STK17A: variants seen among roughly 807,000 people sequenced by gnomAD.
STK17A encodes the protein serine/threonine kinase 17a, also known as serine/threonine-protein kinase 17A.
A neutral mutation model predicts 43.7 loss-of-function variants in STK17A; 26 were observed. The ratio of observed to expected loss-of-function variants is 0.60; its 90% CI spans 0.44 to 0.83. The LOEUF (loss-of-function observed/expected upper bound fraction) is 0.83. STK17A is among the 40% of genes least tolerant of loss of function. STK17A has a pLI of 0.00. For synonymous variants in STK17A, 191 were observed against 182.5 expected (o/e 1.05, Z -0.38); for missense variants, 476 against 511.6 (o/e 0.93, Z 0.67).
chr7:43,592,355 G>A (rs892088924), intron 1 of STK17A, among the ~76,000 whole-genome samples: 1 of 151,434 alleles, frequency 6.6e-6, no homozygotes, highest in African/African-American at 2.4e-5. Context: ...TCTGAATAAG[G>A]GTGCTGCTAG....
intron 1 of STK17A, among the ~76,000 whole-genome samples, chr7:43,587,591 G>GTA (rs1166749269): frequency 6.6e-6 from 1 of 151,450 alleles, no homozygotes; most frequent in Non-Finnish European, 1.5e-5. Context: ...ATTGATGGCT[G>GTA]TAGGTAATAG....
rs1442116720 is a variant in STK17A at position 43,583,403 on chromosome 7, C to T, written c.160C>T (p.Pro54Ser). 27 of 1,439,202 alleles carry T rather than the reference C, an allele frequency of 1.9e-5. No individual in the cohort carries two copies. The highest frequency in any genetic ancestry group is 7.3e-6 in the Non-Finnish European group (8 of 1,094,852). 89.2% of individuals were successfully genotyped at this position (1,439,202 alleles called of 1,614,324 possible). Residue 54 changes from proline to serine, a missense_variant, in exon 1 of 7, where the codon CCC becomes TCC. By Grantham distance (74) the Pro-to-Ser change is moderately conservative. This residue lies in a region of STK17A where 320 missense variants were observed against 326.3 expected (regional missense o/e 0.98). Transcript: ENST00000319357. Reference protein sequence around the residue: ...TEIRAVVRTEPFQDGYSLCPG... With the variant: ...TEIRAVVRTESFQDGYSLCPG... ...GATACGCGCCGTGGTGCGCACCGAG[C>T]CCTTCCAGGACGGCTACAGCCTGTG...
intron 2 of STK17A, among the ~76,000 whole-genome samples, chr7:43,606,701 A>G (rs1393466980): frequency 2.0e-5 from 3 of 152,076 alleles, no homozygotes; most frequent in Non-Finnish European, 4.4e-5. Context: ...TTCTGTTACT[A>G]TACTTGAGAG....
In STK17A at chr7:43,583,261, G is replaced by A; in HGVS notation, c.18G>A (p.Lys6=). 1 of 1,547,988 alleles carries A rather than the reference G, an allele frequency of 6.5e-7. No homozygotes were observed. The highest frequency in any genetic ancestry group is 8.7e-7 in the Non-Finnish European group (1 of 1,149,586). ...TGAACACCATGATCCCTTTGGAGAA[G>A]CCAGGCAGCGGCGGCTCCTCCCCAG... MIPLE[K]PGSGGSSPGA... is the part of the protein sequence containing the mutation. Residue 6 remains lysine (K), a synonymous_variant, in exon 1 of 7, where the codon AAG becomes AAA. Transcript: ENST00000319357.
At position 43,623,888 on chromosome 7, in the gene STK17A, A is replaced by G; in HGVS notation, c.920A>G (p.Glu307Gly). Reference protein sequence around the residue: ...FIRTLLVKKPEDRATAEECLK... With the variant: ...FIRTLLVKKPGDRATAEECLK... ...AGGACACTTTTAGTTAAGAAACCTG[A>G]GTAAGTATTATTTTTATTAGTTTAA... Residue 307 changes from glutamate to glycine, a missense_variant and splice_region_variant, in exon 6 of 7, where the codon GAA becomes GGA. By Grantham distance (98) the Glu-to-Gly change is moderately conservative. This residue lies in a region of STK17A where 46 missense variants were observed against 81.6 expected (regional missense o/e 0.56). Transcript: ENST00000319357. The G allele has an allele frequency of 6.6e-7, 1 of 1,511,160 alleles. No homozygotes were observed. The highest frequency in any genetic ancestry group is 8.8e-7 in the Non-Finnish European group (1 of 1,137,244). 93.6% of individuals were successfully genotyped at this position (1,511,160 alleles called of 1,614,324 possible).
intron 4 of STK17A, among the ~76,000 whole-genome samples, chr7:43,620,720 T>C (rs1002942699): frequency 6.6e-6 from 1 of 151,234 alleles, no homozygotes; most frequent in Non-Finnish European, 1.5e-5. Context: ...AGTGGTGAAA[T>C]AGCTCTTTGT....
chr7:43,599,013 C>T (rs1040078189), intron 2 of STK17A, among the ~76,000 whole-genome samples: 5 of 152,184 alleles, frequency 3.3e-5, no homozygotes, highest in Non-Finnish European at 5.9e-5. Flanking sequence ...GATCCACCTG[C>T]CTTGGCCTCC....
rs1045447367 is a variant in STK17A at position 43,619,739 on chromosome 7, A to G, written c.691+16A>G. 4 of 1,612,522 alleles carry G rather than the reference A, an allele frequency of 2.5e-6. No homozygotes were observed. In the African/African-American group the frequency reaches 5.3e-5, roughly 22 times the overall value. On this transcript the variant is annotated intron_variant, in intron 4 of 6. Transcript: ENST00000319357. The stretch of plus-strand genomic sequence containing the variant: ...GAATATGTGGGTAAGTATTCATAAA[A>G]GTAGTTTTGTTCTGGGGTCAGGCAT...
chr7:43,620,198 A>T (rs1306600182), intron 4 of STK17A, among the ~76,000 whole-genome samples: 1 of 152,236 alleles, frequency 6.6e-6, no homozygotes, highest in African/African-American at 2.4e-5. Flanking sequence ...TGAAGGTAGC[A>T]GCAAGAAAGC....
At chr7:43,592,463 ATTATATTTGC>A (rs879698102) in intron 1 of STK17A, among the ~76,000 whole-genome samples, 2,892 of 149,730 alleles carry the variant, frequency 0.019, 58 homozygotes, top group Non-Finnish European at 0.032. Context: ...GGACATGAAA[ATTATATTTGC>A]AGTTAACAAT....
Position 43,611,005 on chromosome 7 carries a change from T to C in STK17A, c.564+2605T>C, listed in dbSNP as rs569545090. Among the ~76,000 whole-genome samples the C allele has an allele frequency of 1.1e-4, 16 of 152,202 alleles. No homozygotes were observed. In the East Asian group the frequency reaches 2.7e-3, roughly 26 times the overall value. On this transcript the variant is annotated intron_variant, in intron 3 of 6. Coordinates refer to ENST00000319357, the MANE Select transcript of STK17A (RefSeq NM_004760.3). ...GGTGGCAGGCACCTGTAATCCCAGC[T>C]ACTTGGGAGGCTGAGGCAGGAGAAT...
chr7:43,614,865 G>T (rs907486681), intron 3 of STK17A, among the ~76,000 whole-genome samples: 1 of 152,116 alleles, frequency 6.6e-6, no homozygotes, highest in African/African-American at 2.4e-5. Context: ...ATTAGTTTTT[G>T]CATAGTAACT....
At chr7:43,583,617 C>T (rs2082417641) in intron 1 of STK17A, among the ~76,000 whole-genome samples, 168 bp downstream of exon 1, 1 of 152,320 alleles carries the variant, frequency 6.6e-6, no homozygotes, top group Admixed American at 6.5e-5. Context: ...AGTAGGGCAG[C>T]CGAGTCGCAC....
In STK17A at chr7:43,608,563, C is replaced by T. The variant is rs566127762; in HGVS notation, c.564+163C>T. The T allele has an allele frequency of 1.3e-4, 99 of 734,022 alleles. 1 individual carries two copies. In the South Asian group the frequency reaches 2.0e-3, roughly 15 times the overall value. 45.5% of individuals were successfully genotyped at this position (734,022 alleles called of 1,614,324 possible). A position where few individuals can be genotyped will look rare whatever the true frequency, so the allele number is the denominator to read the frequency against. On this transcript the variant is annotated intron_variant, in intron 3 of 6. Coordinates refer to ENST00000319357, the MANE Select transcript of STK17A (RefSeq NM_004760.3). ...CTATCCTCTAGCCAGTTAGTTTTAT[C>T]AGGGAGATAATGCACACATGTGTAC...
intron 2 of STK17A, among the ~76,000 whole-genome samples, chr7:43,601,540 C>T (rs1231587156): frequency 6.6e-6 from 1 of 152,224 alleles, no homozygotes; most frequent in East Asian, 1.9e-4. Context: ...AAAATCTCCT[C>T]ATTCTTGCAA....
chr7:43,591,237 C>A (rs966246732), intron 1 of STK17A, among the ~76,000 whole-genome samples: 1 of 151,496 alleles, frequency 6.6e-6, no homozygotes, highest in African/African-American at 2.4e-5. Context: ...GAAAGCCTTG[C>A]AAGCTGTTTT....
Position 43,611,317 on chromosome 7 carries a change from A to G in STK17A, c.564+2917A>G, listed in dbSNP as rs140389636. The stretch of plus-strand genomic sequence containing the variant: ...AAGTTTTCTTGTTCTCTTTTGAAAG[A>G]TGCCAATGTAAATTCATTTTATACA... On this transcript the variant is annotated intron_variant, in intron 3 of 6. Transcript: ENST00000319357. Among the ~76,000 whole-genome samples the G allele has an allele frequency of 3.8e-3, 581 of 152,338 alleles. 5 individuals carry two copies. The highest frequency in any genetic ancestry group is 0.013 in the African/African-American group (524 of 41,582).
intron 1 of STK17A, among the ~76,000 whole-genome samples, chr7:43,583,973 T>C (rs1238651490): frequency 1.3e-5 from 2 of 152,220 alleles, no homozygotes; most frequent in Non-Finnish European, 2.9e-5. Flanking sequence ...TTTTCTTGGT[T>C]GGTTTTCTGC....
At position 43,626,733 on chromosome 7, in the gene STK17A, C is replaced by T. The variant is rs935720734; in HGVS notation, c.*1891C>T. On this transcript the variant is annotated 3_prime_UTR_variant, in exon 7 of 7. Coordinates refer to ENST00000319357, the MANE Select transcript of STK17A (RefSeq NM_004760.3). Reference sequence around the variant, plus strand: ...TGTCATCAAGTTTTAAAATCAGAATCATTTGGGCTTTTTAAAAACCATTTT... The same window carrying T: ...TGTCATCAAGTTTTAAAATCAGAATTATTTGGGCTTTTTAAAAACCATTTT... The T allele has an allele frequency of 3.9e-5, 6 of 152,162 alleles. No individual in the cohort carries two copies. Among genetic ancestry groups the T allele is most frequent in the Admixed American group, 1.3e-4 (2 of 15,280 alleles). 9.4% of individuals were successfully genotyped at this position (152,162 alleles called of 1,614,324 possible).
Sources: allele counts gnomAD v4.1 joint callset (sites outside exome capture counted in the v4.1 genomes callset), GRCh38; gene constraint gnomAD v4.1.1; regional missense constraint gnomAD v4.1.1; transcripts MANE v1.5; gene names NCBI Gene and HGNC (gene_info 2026-07-23, HGNC 2026-07-21).